Variants in CECR2 observed in about 807,000 individuals in gnomAD.
CECR2 encodes CECR2 histone acetyl-lysine reader.
In CECR2, 30 loss-of-function variants were observed where a neutral mutation model predicts 154.5. The observed-to-expected ratio is 0.19, with a 90% CI of 0.15 to 0.26. CECR2 has a LOEUF of 0.26. Among genes scored for constraint, CECR2 ranks in the 10% least tolerant of loss-of-function variants. CECR2 has a pLI of 1.00. For missense variants in CECR2, 1,743 were observed against 1,829.3 expected, an observed-to-expected ratio of 0.95 and a Z score of 0.86; for synonymous variants, 725 against 683.7, an observed-to-expected ratio of 1.06 and a Z score of -0.94.
At chr22:17,432,221 G>T (rs2054435942) in intron 1 of CECR2, among the ~76,000 whole-genome samples, 1 of 152,220 alleles carries the variant, frequency 6.6e-6, no homozygotes, top group Admixed American at 6.5e-5. Flanking sequence ...GAATCACACA[G>T]CCCTACTGTG....
rs768318389 is a variant in CECR2, at chr22:17,499,539, T to C, written c.535T>C (p.Ser179Pro). 7 of 1,609,208 alleles carry C rather than the reference T, an allele frequency of 4.3e-6. No individual in the cohort carries two copies. The highest frequency in any genetic ancestry group is 5.9e-6 in the Non-Finnish European group (7 of 1,177,628). ...PVQGKSNGEL[S>P]LSRESEGQKN... ...GCAAGGAAAATCCAATGGAGAACTC[T>C]CTTTGAGCAGGTATGTTCTTCAGTG... The change falls in exon 4 of 19, where the codon TCT (serine) becomes CCT (proline). Residue 179 changes from serine to proline, a missense_variant. Ser to Pro is a moderately conservative substitution (Grantham distance 74, BLOSUM62 -1). This residue lies in a region of CECR2 where 292 missense variants were observed against 301.2 expected (regional missense o/e 0.97). Transcript: ENST00000262608.
At position 17,414,092 on chromosome 22, in the gene CECR2, C is replaced by A. The variant is rs202029801; in HGVS notation, c.126+44183C>A. 2.6e-5 allele frequency among the ~76,000 whole-genome samples: 4 copies of A among 152,138 alleles called. No homozygotes were observed. In the East Asian group the frequency reaches 7.7e-4, roughly 29 times the overall value. The stretch of plus-strand genomic sequence containing the variant: ...GGTTCACGCCATTCTCCTGCCTCAG[C>A]CTTCTGAGTAGCTGGGACTACAGGT... On this transcript the variant is annotated intron_variant, in intron 1 of 18. Transcript: ENST00000262608.
At chr22:17,472,127 C>T (rs987883082) in intron 1 of CECR2, among the ~76,000 whole-genome samples, 2 of 152,174 alleles carry the variant, frequency 1.3e-5, no homozygotes, top group African/African-American at 4.8e-5. Context: ...GCAACACGGA[C>T]CTGGCCAGCC....
chr22:17,366,562 T>A (rs186461197), upstream of CECR2, among the ~76,000 whole-genome samples: 4 of 152,146 alleles, frequency 2.6e-5, no homozygotes, highest in African/African-American at 9.6e-5. Context: ...AGAAGTACAA[T>A]AGCACTCCGA....
chr22:17,457,709 A>G (rs1009817666), intron 1 of CECR2, among the ~76,000 whole-genome samples: 1 of 152,234 alleles, frequency 6.6e-6, no homozygotes, highest in African/African-American at 2.4e-5. Flanking sequence ...ATGAATACAC[A>G]TAGCGATTTT....
At chr22:17,468,008 CCTT>C (rs1340673288) in intron 1 of CECR2, among the ~76,000 whole-genome samples, 1 of 152,150 alleles carries the variant, frequency 6.6e-6, no homozygotes, top group African/African-American at 2.4e-5. Flanking sequence ...TTAGTTAGGT[CCTT>C]CTTGGTAGAA....
chr22:17,434,191 G>A (rs1287726432), intron 1 of CECR2, among the ~76,000 whole-genome samples: 1 of 152,196 alleles, frequency 6.6e-6, no homozygotes, highest in Admixed American at 6.5e-5. Flanking sequence ...AGAATGAACA[G>A]TTAAAGCATG....
At chr22:17,533,179 G>A (rs1161891660) in intron 9 of CECR2, among the ~76,000 whole-genome samples, 2 of 151,416 alleles carry the variant, frequency 1.3e-5, no homozygotes, top group Non-Finnish European at 2.9e-5. Context: ...AGCTGGACAT[G>A]TTGGTGCACT....
In CECR2 at chr22:17,377,514, C is replaced by T. The variant is rs555364684; in HGVS notation, c.126+7605C>T. On this transcript the variant is annotated intron_variant, in intron 1 of 18. Transcript: ENST00000262608. ...CTGAGCTCAAGTGATCCTCCTGCCT[C>T]AGCCTCCCCAGTAGCTGGGACTCCA... 6.6e-5 allele frequency among the ~76,000 whole-genome samples: 10 copies of T among 152,188 alleles called. No individual in the cohort carries two copies. In the South Asian group the frequency reaches 2.1e-3, roughly 32 times the overall value.
intron 9 of CECR2, among the ~76,000 whole-genome samples, chr22:17,536,861 T>C (rs1322365367): frequency 1.3e-5 from 2 of 152,142 alleles, no homozygotes; most frequent in Non-Finnish European, 2.9e-5. Context: ...CCTGCCACCT[T>C]CATCTCCCAC....
At chr22:17,364,342 CAAAAAAAAAA>C (rs59134897) in intron 1 of CECR2, among the ~76,000 whole-genome samples, 8 of 52,946 alleles carry the variant, frequency 1.5e-4, no homozygotes, top group Admixed American at 1.3e-3. Flanking sequence ...GACTCTGTCT[CAAAAAAAAAA>C]AAAAAAAAAA....
At position 17,549,783 on chromosome 22, in the gene CECR2, G is replaced by GTTTTTTT. The variant is rs1491166897; in HGVS notation, c.4277+219_4277+220insTTTTTTT. On this transcript the variant is annotated intron_variant, in intron 17 of 18. Coordinates refer to ENST00000262608, the MANE Select transcript of CECR2 (RefSeq NM_001290047.2). ...TGCCACCACACCCAGCTAACTTTTT[G>GTTTTTTT]GTTTTTTTTTTTTTTTTTTTTTGGT... 2.5e-4 allele frequency among the ~76,000 whole-genome samples: 22 copies of GTTTTTTT among 88,850 alleles called. 9 individuals are homozygous for GTTTTTTT. Among genetic ancestry groups the GTTTTTTT allele is most frequent in the South Asian group, 3.9e-4 (1 of 2,562 alleles). The allele number at this position is 88,850 out of a possible 152,430, so 58.3% of individuals were successfully genotyped here.
chr22:17,404,412 C>T (rs1340094605), intron 1 of CECR2, among the ~76,000 whole-genome samples: 3 of 77,346 alleles, frequency 3.9e-5, no homozygotes, highest in Non-Finnish European at 7.1e-5. Flanking sequence ...CTCGCTCTGT[C>T]GCCCAGGCTG....
upstream of CECR2, among the ~76,000 whole-genome samples, chr22:17,364,849 C>A (rs1307027159): frequency 6.6e-6 from 1 of 151,170 alleles, no homozygotes; most frequent in East Asian, 2.0e-4. Flanking sequence ...ACAAAACAAA[C>A]AAACAAAAAA....
At chr22:17,403,146 G>A (rs1341835504) in intron 1 of CECR2, among the ~76,000 whole-genome samples, 1 of 152,192 alleles carries the variant, frequency 6.6e-6, no homozygotes, top group Non-Finnish European at 1.5e-5. Flanking sequence ...TGGACTCATT[G>A]ATACTTATCC....
intron 8 of CECR2, among the ~76,000 whole-genome samples, chr22:17,521,598 A>AT (rs1263275614): frequency 2.0e-5 from 3 of 150,234 alleles, no homozygotes; most frequent in Non-Finnish European, 3.0e-5. Flanking sequence ...GGGTTGTTTG[A>AT]TTTTTTTTGT....
At chr22:17,425,533 A>T (rs1357078452) in intron 1 of CECR2, among the ~76,000 whole-genome samples, 1 of 152,232 alleles carries the variant, frequency 6.6e-6, no homozygotes, top group African/African-American at 2.4e-5. Flanking sequence ...ATGCAAAAGG[A>T]TACCTTGGGC....
intron 16 of CECR2, among the ~76,000 whole-genome samples, chr22:17,543,924 T>C (rs753058330): frequency 2.6e-5 from 4 of 152,192 alleles, no homozygotes; most frequent in Non-Finnish European, 5.9e-5. Context: ...TCCTTGTTTT[T>C]ACAGATGAAA....
At chr22:17,510,472 A>G (rs1345991835) in intron 7 of CECR2, among the ~76,000 whole-genome samples, 1 of 152,278 alleles carries the variant, frequency 6.6e-6, no homozygotes, top group Non-Finnish European at 1.5e-5. Flanking sequence ...CCTATGAAAA[A>G]AAAAAAGAGC....
Sources: gnomAD v4.1 joint callset for allele counts (sites outside exome capture counted in the v4.1 genomes callset) on GRCh38, gnomAD v4.1.1 for gene constraint, gnomAD v4.1.1 regional missense constraint, MANE v1.5 for transcripts, NCBI Gene and HGNC (gene_info 2026-07-23, HGNC 2026-07-21) for gene names.